The following ACO1 variants were observed in gnomAD, a reference collection of about 807,000 sequenced individuals.
ACO1 encodes the protein cytoplasmic aconitate hydratase.
Under a neutral mutation model 105.1 loss-of-function variants are expected in ACO1, and 78 were observed. The ratio of observed to expected loss-of-function variants is 0.74; its 90% CI spans 0.62 to 0.90. The LOEUF (loss-of-function observed/expected upper bound fraction) is 0.90, where lower values mean the gene tolerates loss of function less well. Ranked by LOEUF, ACO1 falls within the 40% of genes least tolerant of loss-of-function variation. ACO1 has a pLI of 0.00. For missense variants in ACO1, 965 were observed against 1,111.1 expected (o/e 0.87, Z 1.87); for synonymous variants, 364 against 397.4 (o/e 0.92, Z 1.00).
chr9:32,407,198 C>A, intron 2 of ACO1, 63 bp from the exon 3 acceptor site: 1 of 1,489,638 alleles, frequency 6.7e-7, no homozygotes. Context: ...TAGAGATTGG[C>A]CTTAAAGAGC....
intron 18 of ACO1, among the ~76,000 whole-genome samples, chr9:32,436,885 T>TA (rs993672059): frequency 2.5e-4 from 38 of 152,264 alleles, no homozygotes; most frequent in African/African-American, 9.1e-4. Context: ...TGTGGAGCCT[T>TA]AAAGTTATTT....
At chr9:32,449,472 G>A (rs1822706081) in intron 20 of ACO1, among the ~76,000 whole-genome samples, 1 of 152,124 alleles carries the variant, frequency 6.6e-6, no homozygotes, top group South Asian at 2.1e-4. Context: ...GCTTTGATTA[G>A]CCCAAGAGTG....
chr9:32,443,739 T>C (rs1822532878), intron 19 of ACO1, among the ~76,000 whole-genome samples: 1 of 152,198 alleles, frequency 6.6e-6, no homozygotes, highest in South Asian at 2.1e-4. Context: ...TGACATTAAC[T>C]AAAAACATGG....
At chr9:32,427,587 A>G in intron 12 of ACO1, 151 bp downstream of exon 12, 3 of 1,148,018 alleles carry the variant, frequency 2.6e-6, no homozygotes, top group South Asian at 3.0e-5. Flanking sequence ...AAACCCTTAC[A>G]TTCCATCTAA....
chr9:32,432,007 T>C (rs764422458), intron 15 of ACO1, among the ~76,000 whole-genome samples, 164 bp downstream of exon 15: 35 of 152,146 alleles, frequency 2.3e-4, no homozygotes, highest in Non-Finnish European at 3.8e-4. Context: ...TTTTCTCCTG[T>C]GACTCGCATT....
intron 1 of ACO1, among the ~76,000 whole-genome samples, chr9:32,396,433 T>C (rs891531175): frequency 6.6e-6 from 1 of 152,200 alleles, no homozygotes; most frequent in Non-Finnish European, 1.5e-5. Flanking sequence ...AAGAGCCTCA[T>C]GTGGTCTGGC....
At position 32,388,171 on chromosome 9, in the gene ACO1, T is replaced by G. The variant is rs116025731; in HGVS notation, c.-23+3436T>G. On this transcript the variant is annotated intron_variant, in intron 1 of 20. Coordinates refer to ENST00000309951, the MANE Select transcript of ACO1 (RefSeq NM_002197.3). Reference sequence around the variant, plus strand: ...TAACCCGTTGTGTGAATTTTGCATATTATTATGCAAAAACTAGTAGTGTCT... The same window carrying G: ...TAACCCGTTGTGTGAATTTTGCATAGTATTATGCAAAAACTAGTAGTGTCT... Among the ~76,000 whole-genome samples the G allele has an allele frequency of 8.5e-3, 1,298 of 152,302 alleles. 16 individuals are homozygous for G. The highest frequency in any genetic ancestry group is 0.029 in the African/African-American group (1,212 of 41,544).
intron 1 of ACO1, among the ~76,000 whole-genome samples, chr9:32,396,603 G>A (rs1821377637): frequency 6.6e-6 from 1 of 152,114 alleles, no homozygotes; most frequent in African/African-American, 2.4e-5. Context: ...CATCAGTGAG[G>A]CCTTCTTTGA....
rs1271026148 is a variant in ACO1 at position 32,421,158 on chromosome 9, C to T, written c.970+131C>T. 8.7e-6 allele frequency: 9 copies of T among 1,040,076 alleles called. No homozygotes were observed. In the Admixed American group the frequency reaches 2.0e-4, roughly 24 times the overall value. 64.4% of individuals were successfully genotyped at this position (1,040,076 alleles called of 1,614,324 possible). On this transcript the variant is annotated intron_variant, in intron 8 of 20. Coordinates refer to ENST00000309951, the MANE Select transcript of ACO1 (RefSeq NM_002197.3). The stretch of plus-strand genomic sequence containing the variant: ...ACAGTTACACAATTATTTTTTTCTC[C>T]ATGGAGTCAAAATGGGTTTTTGGGA...
At chr9:32,410,126 G>A (rs1013378458) in intron 4 of ACO1, among the ~76,000 whole-genome samples, 1 of 152,188 alleles carries the variant, frequency 6.6e-6, no homozygotes, top group Non-Finnish European at 1.5e-5. Context: ...AGTATTGGGA[G>A]TGAGTCTTTG....
intron 14 of ACO1, among the ~76,000 whole-genome samples, chr9:32,431,264 C>T (rs1420709696): frequency 6.6e-6 from 1 of 152,210 alleles, no homozygotes; most frequent in Non-Finnish European, 1.5e-5. Context: ...CTTCTTGTTT[C>T]AGCTCTCCTG....
intron 18 of ACO1, 31 bp downstream of exon 18, chr9:32,436,428 C>A: frequency 6.2e-7 from 1 of 1,606,938 alleles, no homozygotes; most frequent in Non-Finnish European, 8.5e-7. Context: ...CCTGCAGACA[C>A]TAGCATTTGT....
intron 19 of ACO1, among the ~76,000 whole-genome samples, chr9:32,444,455 T>A (rs1354187784): frequency 6.6e-6 from 1 of 152,182 alleles, no homozygotes; most frequent in South Asian, 2.1e-4. Context: ...TGTAAAAGCA[T>A]TCCTATTTCT....
chr9:32,412,662 C>T (rs911334034), intron 4 of ACO1, among the ~76,000 whole-genome samples: 5 of 152,188 alleles, frequency 3.3e-5, no homozygotes, highest in African/African-American at 9.7e-5. Flanking sequence ...TGAACCTGTC[C>T]TAAGGCAATA....
At chr9:32,441,131 A>C (rs879494656) in intron 19 of ACO1, among the ~76,000 whole-genome samples, 2 of 152,220 alleles carry the variant, frequency 1.3e-5, no homozygotes, top group Admixed American at 1.3e-4. Context: ...TTCACTGCCT[A>C]TGAATATCTG....
At chr9:32,417,998 TG>T (rs1821887339) in intron 4 of ACO1, 129 bp from the exon 5 acceptor site, 2 of 752,712 alleles carry the variant, frequency 2.7e-6, no homozygotes, top group Non-Finnish European at 4.4e-6. Flanking sequence ...TAAATAGTCA[TG>T]AATGAAATTC....
In ACO1 at chr9:32,452,259, T is replaced by C. The variant is rs1457692895; in HGVS notation, c.*2148T>C. On this transcript the variant is annotated 3_prime_UTR_variant, in exon 21 of 21. Coordinates refer to ENST00000309951, the MANE Select transcript of ACO1 (RefSeq NM_002197.3). ...CATTCAGTGGCTCCTGTGGTCTGTA[T>C]TTTTGTATCCTCCCCAAAATTCAGG... 6.6e-6 allele frequency: 1 copy of C among 152,252 alleles called. No homozygotes were observed. Among genetic ancestry groups the C allele is most frequent in the South Asian group, 2.1e-4 (1 of 4,832 alleles). 9.4% of individuals were successfully genotyped at this position (152,252 alleles called of 1,614,324 possible). A position where few individuals can be genotyped will look rare whatever the true frequency, so the allele number is the denominator to read the frequency against.
At chr9:32,428,806 T>C (rs563383681) in intron 12 of ACO1, among the ~76,000 whole-genome samples, 117 of 151,948 alleles carry the variant, frequency 7.7e-4, no homozygotes, top group African/African-American at 2.7e-3. Flanking sequence ...ATAGCGCCAC[T>C]GCACTCCAGC....
rs913443130 is a variant in ACO1 at position 32,439,170 on chromosome 9, A to G, written c.2248-1295A>G. 1.3e-5 allele frequency among the ~76,000 whole-genome samples: 2 copies of G among 152,216 alleles called. No homozygotes were observed. Among genetic ancestry groups the G allele is most frequent in the African/African-American group, 4.8e-5 (2 of 41,462 alleles). Reference sequence around the variant, plus strand: ...TTGTCAACTTTGCAGTACTTTTTAAAGCACACACTCTCACATTGTTAATAC... The same window carrying G: ...TTGTCAACTTTGCAGTACTTTTTAAGGCACACACTCTCACATTGTTAATAC... On this transcript the variant is annotated intron_variant, in intron 18 of 20. Transcript: ENST00000309951. This position sits in a 1 kb window ranked among gnomAD's most constrained non-coding sequence, Gnocchi z 4.0.
Sources: gnomAD v4.1 joint callset for allele counts (sites outside exome capture counted in the v4.1 genomes callset) on GRCh38, gnomAD v4.1.1 for gene constraint, Gnocchi (gnomAD v3.1) non-coding constraint, MANE v1.5 for transcripts, NCBI Gene and HGNC (gene_info 2026-07-23, HGNC 2026-07-21) for gene names.